Variants in CTBP2 observed in about 807,000 individuals in gnomAD.
The protein encoded by CTBP2 is C-terminal binding protein 2, also known as C-terminal-binding protein 2.
A neutral mutation model predicts 80.3 loss-of-function variants in CTBP2; 30 were observed. That is an observed-to-expected ratio of 0.37 (90% CI 0.28 to 0.51). The LOEUF (loss-of-function observed/expected upper bound fraction) is 0.51. CTBP2 is among the 20% of genes least tolerant of loss of function. The pLI is 0.93. For missense variants in CTBP2, 1,212 were observed against 1,375.3 expected, an observed-to-expected ratio of 0.88 and a Z score of 1.88; for synonymous variants, 594 against 587.4, an observed-to-expected ratio of 1.01 and a Z score of -0.16.
At chr10:125,117,145 C>T (rs1853467708) in intron 1 of CTBP2, among the ~76,000 whole-genome samples, 2 of 152,066 alleles carry the variant, frequency 1.3e-5, no homozygotes, top group South Asian at 4.1e-4. Context: ...GCTCCCTGGC[C>T]TTCCCAACCC....
In CTBP2 at chr10:124,994,633, C is replaced by T. The variant is rs377652083; in HGVS notation, c.2236G>A (p.Val746Ile). 10 of 1,614,052 alleles carry T rather than the reference C, an allele frequency of 6.2e-6. No individual in the cohort carries two copies. Among genetic ancestry groups the T allele is most frequent in the African/African-American group, 4.0e-5 (3 of 74,938 alleles). ...TGCAAGTAGGGGTCATAAAATATGACGCTGAATCCAAAGGCCTTGGCTCGA... is the reference window on the plus strand; with the variant it reads ...TGCAAGTAGGGGTCATAAAATATGATGCTGAATCCAAAGGCCTTGGCTCGA... Residue 746 changes from valine to isoleucine, a missense_variant, in exon 5 of 9, where the codon GTC becomes ATC. Val to Ile is a conservative substitution (Grantham distance 29, BLOSUM62 3). Coordinates refer to ENST00000309035, the MANE Select transcript of CTBP2 (RefSeq NM_022802.3).
chr10:124,992,979 C>T (rs1160211896), intron 7 of CTBP2, among the ~76,000 whole-genome samples, 167 bp from the exon 10 acceptor site: 2 of 152,078 alleles, frequency 1.3e-5, no homozygotes, highest in African/African-American at 2.4e-5. Flanking sequence ...CCTCTGTGTG[C>T]CCCCCGACCC....
At chr10:125,098,812 G>A (rs917967811) in intron 2 of CTBP2, among the ~76,000 whole-genome samples, 29 of 147,120 alleles carry the variant, frequency 2.0e-4, no homozygotes, top group Admixed American at 1.3e-3. Flanking sequence ...CCCAGGCCTC[G>A]GAGCTGCCCA....
intron 1 of CTBP2, among the ~76,000 whole-genome samples, chr10:125,018,076 C>T (rs1956672805): frequency 6.6e-6 from 1 of 152,236 alleles, no homozygotes; most frequent in Non-Finnish European, 1.5e-5. Context: ...TTGATTTTCC[C>T]TTGCTGTGCT....
intron 1 of CTBP2, among the ~76,000 whole-genome samples, chr10:125,113,551 T>C (rs1051553240): frequency 1.3e-5 from 2 of 152,206 alleles, no homozygotes; most frequent in Non-Finnish European, 2.9e-5. Flanking sequence ...ACACAGAATT[T>C]CCAAAAATAT....
rs779639830 is a variant in CTBP2 at position 125,026,591 on chromosome 10, G to GCCGCAGGCTGGGGCTGCAGGT, written c.1168_1169insACCTGCAGCCCCAGCCTGCGG (p.Ala389_Ala390insAspLeuGlnProGlnProAla). ...TCGGGGGGATGCTGTCTGCAGAGGA[G>GCCGCAGGCTGGGGCTGCAGGT]CCGCAGCGCCCAGAGAAGCCAAGTC... On this transcript the variant is annotated inframe_insertion, in exon 1 of 9. Transcript: ENST00000309035. The GCCGCAGGCTGGGGCTGCAGGT allele has an allele frequency of 5.9e-6, 9 of 1,525,576 alleles. No homozygotes were observed. The South Asian group carries it at 1.1e-4, about 18-fold the overall frequency. The allele number at this position is 1,525,576 out of a possible 1,614,324, so 94.5% of individuals were successfully genotyped here. A position where few individuals can be genotyped will look rare whatever the true frequency, so the allele number is the denominator to read the frequency against.
intron 2 of CTBP2, among the ~76,000 whole-genome samples, chr10:125,045,868 C>T (rs1564791568): frequency 6.6e-6 from 1 of 152,080 alleles, no homozygotes; most frequent in Non-Finnish European, 1.5e-5. Context: ...CATATTTCCC[C>T]AGGGAGCACC....
intron 2 of CTBP2, among the ~76,000 whole-genome samples, chr10:125,092,176 C>CTTTTTTTTTTTT (rs71029238): frequency 2.3e-5 from 2 of 87,098 alleles, no homozygotes; most frequent in African/African-American, 4.3e-5. Context: ...TCTGAAGATT[C>CTTTTTTTTTTTT]TTTTTTTTTT....
In CTBP2 at chr10:125,026,756, T is replaced by G. The variant is rs748537423; in HGVS notation, c.1004A>C (p.Asn335Thr). ...GCTCAGAACACGGGCCTGGCCCAGGTTGGGTGCGACAGACTTGATATCCGC... is the reference window on the plus strand; with the variant it reads ...GCTCAGAACACGGGCCTGGCCCAGGGTGGGTGCGACAGACTTGATATCCGC... The change falls in exon 1 of 9, where the codon AAC (asparagine) becomes ACC (threonine). Residue 335 changes from asparagine to threonine, a missense_variant. Coordinates refer to ENST00000309035, the MANE Select transcript of CTBP2 (RefSeq NM_022802.3). 7 of 1,612,814 alleles carry G rather than the reference T, an allele frequency of 4.3e-6. 1 individual carries two copies. The South Asian group carries it at 6.6e-5, about 15-fold the overall frequency.
intron 1 of CTBP2, among the ~76,000 whole-genome samples, chr10:125,153,522 C>T (rs1009760442): frequency 6.6e-6 from 1 of 152,190 alleles, no homozygotes; most frequent in African/African-American, 2.4e-5. Flanking sequence ...GCCTTTCACC[C>T]CCTCCAGCAG....
chr10:125,131,858 C>T (rs564613965), intron 1 of CTBP2, among the ~76,000 whole-genome samples: 53 of 152,210 alleles, frequency 3.5e-4, no homozygotes, highest in African/African-American at 9.4e-4. Context: ...TTAGTGCTGC[C>T]GGGAAGCGAC....
intron 2 of CTBP2, among the ~76,000 whole-genome samples, chr10:125,102,057 C>G (rs1850711571): frequency 1.3e-5 from 2 of 152,124 alleles, no homozygotes; most frequent in Admixed American, 1.3e-4. Flanking sequence ...TAACATGTAC[C>G]AGGTATCTGT....
At chr10:124,992,842 T>C (rs1226149566) in intron 7 of CTBP2, 30 bp from the exon 10 acceptor site, 2 of 1,524,580 alleles carry the variant, frequency 1.3e-6, no homozygotes, top group African/African-American at 2.8e-5. Context: ...ATTAATCATA[T>C]TATTTTTACA....
rs990877058 is a variant in CTBP2 at position 125,066,964 on chromosome 10, C to T, written c.-101-27809G>A. 6.6e-6 allele frequency among the ~76,000 whole-genome samples: 1 copy of T among 152,136 alleles called. No homozygotes were observed. Among genetic ancestry groups the T allele is most frequent in the African/African-American group, 2.4e-5 (1 of 41,416 alleles). ...TGAACGCAGGCAAGGCTGCTGAATT[C>T]CTGAAGTCCCCGCCTGACCACCAGG... On this transcript the variant is annotated intron_variant, in intron 2 of 10. Coordinates refer to the CTBP2 transcript ENST00000337195. The surrounding 1 kb of genome is among the most constrained non-coding windows in gnomAD (Gnocchi z 4.1).
chr10:125,031,287 G>A (rs1436248383), upstream of CTBP2, among the ~76,000 whole-genome samples: 1 of 151,916 alleles, frequency 6.6e-6, no homozygotes, highest in African/African-American at 2.4e-5. Context: ...TCAGGAGATG[G>A]AGACCATCCT....
intron 1 of CTBP2, among the ~76,000 whole-genome samples, chr10:125,019,265 C>T (rs1156632308): frequency 9.2e-5 from 14 of 152,192 alleles, no homozygotes; most frequent in Non-Finnish European, 1.5e-5. Flanking sequence ...TAATCACACT[C>T]GTTTCTACAT....
Position 125,009,150 on chromosome 10 carries a change from T to C in CTBP2, c.1679-5658A>G, listed in dbSNP as rs977653662. 3.3e-5 allele frequency among the ~76,000 whole-genome samples: 5 copies of C among 152,224 alleles called. 1 individual carries two copies. In the South Asian group the frequency reaches 8.3e-4, roughly 25 times the overall value. On this transcript the variant is annotated intron_variant, in intron 1 of 8. Coordinates refer to ENST00000309035, the MANE Select transcript of CTBP2 (RefSeq NM_022802.3). ...GGGTGAACTCTCGTGGGAAAACTGCTGGAGAGTGTACCCTTTCTGCAGAAA... is the reference window on the plus strand; with the variant it reads ...GGGTGAACTCTCGTGGGAAAACTGCCGGAGAGTGTACCCTTTCTGCAGAAA...
chr10:125,115,419 G>C (rs1055725940), intron 1 of CTBP2, among the ~76,000 whole-genome samples: 1 of 152,188 alleles, frequency 6.6e-6, no homozygotes, highest in Non-Finnish European at 1.5e-5. Flanking sequence ...AGGGACAAGG[G>C]AAAGAACAAG....
intron 2 of CTBP2, among the ~76,000 whole-genome samples, chr10:125,078,984 C>CA (rs59556429): frequency 0.29 from 37,454 of 129,750 alleles, 5,625 homozygotes; most frequent in East Asian, 0.6. Context: ...ACTAAAAATA[C>CA]AAAAAAAAAA....
Sources: allele counts gnomAD v4.1 joint callset (sites outside exome capture counted in the v4.1 genomes callset), GRCh38; gene constraint gnomAD v4.1.1; non-coding constraint Gnocchi (gnomAD v3.1); transcripts MANE v1.5; gene names NCBI Gene and HGNC (gene_info 2026-07-23, HGNC 2026-07-21).